The following PPP1R9A variants were observed in gnomAD, a reference collection of about 807,000 sequenced individuals.
The protein encoded by PPP1R9A is neurabin-1.
In PPP1R9A, 59 loss-of-function variants were observed where a neutral mutation model predicts 141.9. The observed-to-expected ratio is 0.42, with a 90% CI of 0.34 to 0.52. The LOEUF (loss-of-function observed/expected upper bound fraction) is 0.52. Ranked by LOEUF, PPP1R9A falls within the 20% of genes least tolerant of loss-of-function variation. The pLI is 0.10. For synonymous variants in PPP1R9A, 500 were observed against 569.7 expected, an observed-to-expected ratio of 0.88 and a Z score of 1.74; for missense variants, 1,444 against 1,611.9, an observed-to-expected ratio of 0.90 and a Z score of 1.78.
At chr7:94,922,581 TA>T (rs1243475080) in intron 2 of PPP1R9A, among the ~76,000 whole-genome samples, 11 of 152,194 alleles carry the variant, frequency 7.2e-5, no homozygotes, top group African/African-American at 2.7e-4. Context: ...AAAGCTGTAT[TA>T]CTCATGTTTT....
chr7:95,095,397 C>A (rs952222883), intron 2 of PPP1R9A, among the ~76,000 whole-genome samples: 7 of 152,072 alleles, frequency 4.6e-5, no homozygotes, highest in African/African-American at 1.7e-4. Context: ...ACCATTAATC[C>A]TATACTAACG....
intron 2 of PPP1R9A, among the ~76,000 whole-genome samples, chr7:94,964,660 T>C (rs1353313717): frequency 6.6e-6 from 1 of 152,216 alleles, no homozygotes; most frequent in Non-Finnish European, 1.5e-5. Flanking sequence ...GCAAAGGACA[T>C]GAACTTATCC....
intron 2 of PPP1R9A, among the ~76,000 whole-genome samples, chr7:94,962,375 G>A (rs1304354612): frequency 6.6e-6 from 1 of 151,792 alleles, no homozygotes; most frequent in Non-Finnish European, 1.5e-5. Flanking sequence ...TTATTATATT[G>A]GATTGTCAGT....
At chr7:95,000,521 A>G (rs1228361811) in intron 2 of PPP1R9A, among the ~76,000 whole-genome samples, 1 of 152,106 alleles carries the variant, frequency 6.6e-6, no homozygotes, top group East Asian at 1.9e-4. Flanking sequence ...TATAGCCTAC[A>G]TAATTTGAGT....
intron 2 of PPP1R9A, among the ~76,000 whole-genome samples, chr7:94,920,535 A>G (rs1040097533): frequency 6.6e-6 from 1 of 152,154 alleles, no homozygotes; most frequent in African/African-American, 2.4e-5. Context: ...GGTATTTTTA[A>G]AAAGTATTTG....
intron 2 of PPP1R9A, among the ~76,000 whole-genome samples, chr7:95,045,192 C>T (rs1809824425): frequency 1.3e-5 from 2 of 152,000 alleles, no homozygotes; most frequent in African/African-American, 4.8e-5. Flanking sequence ...ATAATTCGAC[C>T]GAGGGGCATG....
intron 2 of PPP1R9A, among the ~76,000 whole-genome samples, chr7:95,058,882 C>CTGG (rs1471535991): frequency 6.6e-6 from 1 of 152,160 alleles, no homozygotes; most frequent in East Asian, 1.9e-4. Context: ...CTCTGACTCC[C>CTGG]TGGTTCAAGT....
chr7:95,269,571 T>C, intron 14 of PPP1R9A, 64 bp downstream of exon 14: 1 of 1,316,362 alleles, frequency 7.6e-7, no homozygotes, highest in Non-Finnish European at 1.0e-6. Flanking sequence ...AAATGACTTT[T>C]TCTCATAATC....
At chr7:95,008,146 A>G (rs854734) in intron 2 of PPP1R9A, among the ~76,000 whole-genome samples, 21,530 of 152,146 alleles carry the variant, frequency 0.14, 1,688 homozygotes, top group Non-Finnish European at 0.19. Flanking sequence ...TGTCTATTTT[A>G]TGGTTTTATG....
intron 10 of PPP1R9A, among the ~76,000 whole-genome samples, chr7:95,250,806 C>T (rs1798772842): frequency 6.6e-6 from 1 of 152,100 alleles, no homozygotes; most frequent in South Asian, 2.1e-4. Context: ...GGAGAGAGAC[C>T]ATTACCACAT....
At chr7:95,012,212 C>T (rs549014914) in intron 2 of PPP1R9A, among the ~76,000 whole-genome samples, 2 of 152,174 alleles carry the variant, frequency 1.3e-5, no homozygotes, top group East Asian at 3.9e-4. Context: ...AGCATAGCGG[C>T]CTCTGCTTCT....
chr7:94,986,733 G>A (rs538092868), intron 2 of PPP1R9A, among the ~76,000 whole-genome samples: 1 of 152,254 alleles, frequency 6.6e-6, no homozygotes, highest in South Asian at 2.1e-4. Flanking sequence ...CCATGAATAT[G>A]TACAATTATT....
chr7:95,171,658 T>C (rs1832131721), intron 5 of PPP1R9A, among the ~76,000 whole-genome samples: 1 of 151,658 alleles, frequency 6.6e-6, no homozygotes, highest in Admixed American at 6.6e-5. Context: ...AAAAATTGTT[T>C]ATGTGTATAC....
intron 2 of PPP1R9A, among the ~76,000 whole-genome samples, chr7:95,049,142 C>A (rs1810437857): frequency 6.6e-6 from 1 of 152,146 alleles, no homozygotes; most frequent in Admixed American, 6.5e-5. Context: ...AAACCCACAC[C>A]ATGCCGGAAA....
intron 5 of PPP1R9A, among the ~76,000 whole-genome samples, chr7:95,162,751 T>C (rs929019928): frequency 4.6e-5 from 7 of 152,182 alleles, no homozygotes; most frequent in Non-Finnish European, 7.3e-5. Context: ...ATTCTGAAAA[T>C]ATTAATGAGT....
At chr7:95,184,927 C>T (rs1461990531) in intron 5 of PPP1R9A, among the ~76,000 whole-genome samples, 3 of 151,774 alleles carry the variant, frequency 2.0e-5, no homozygotes, top group East Asian at 1.9e-4. Flanking sequence ...CTGCAATAAA[C>T]GTGAGTGTGT....
At chr7:95,059,168 A>G (rs1811889402) in intron 2 of PPP1R9A, among the ~76,000 whole-genome samples, 2 of 152,140 alleles carry the variant, frequency 1.3e-5, no homozygotes, top group East Asian at 3.9e-4. Context: ...TTGCCATGCT[A>G]ACTATTTTTC....
chr7:95,187,425 T>C (rs151237122), intron 5 of PPP1R9A, among the ~76,000 whole-genome samples: 2,035 of 152,304 alleles, frequency 0.013, 34 homozygotes, highest in African/African-American at 0.046. Flanking sequence ...GTTGCACTAA[T>C]GGTCTATCAA....
intron 2 of PPP1R9A, among the ~76,000 whole-genome samples, chr7:95,046,407 A>C (rs762062566): frequency 6.6e-6 from 1 of 152,156 alleles, no homozygotes; most frequent in Non-Finnish European, 1.5e-5. Flanking sequence ...ATTAGGTAGT[A>C]TTTCTATTAA....
Sources: gnomAD v4.1 joint callset for allele counts (sites outside exome capture counted in the v4.1 genomes callset) on GRCh38, gnomAD v4.1.1 for gene constraint, MANE v1.5 for transcripts, NCBI Gene and HGNC (gene_info 2026-07-23, HGNC 2026-07-21) for gene names.